NAA16: variants seen among roughly 807,000 people sequenced by gnomAD.
NAA16 encodes the protein N-alpha-acetyltransferase 16, NatA auxiliary subunit.
A neutral mutation model predicts 110.3 loss-of-function variants in NAA16; 97 were observed. That is an observed-to-expected ratio of 0.88 (90% CI 0.75 to 1.04). The LOEUF is 1.04. Among genes scored for constraint, NAA16 ranks in the 50% least tolerant of loss-of-function variants. NAA16 has a pLI of 0.00. For missense variants in NAA16, 1,017 were observed against 1,005.1 expected (o/e 1.01, Z -0.16); for synonymous variants, 372 against 330.6 (o/e 1.13, Z -1.36).
intron 17 of NAA16, 44 bp from the exon 18 acceptor site, chr13:41,373,593 G>A: frequency 6.6e-7 from 1 of 1,514,032 alleles, no homozygotes; most frequent in African/African-American, 1.4e-5. Flanking sequence ...TTTTTTCAAA[G>A]GACAGATCAA....
intron 5 of NAA16, among the ~76,000 whole-genome samples, chr13:41,324,047 GT>G (rs2042020003): frequency 6.6e-6 from 1 of 151,934 alleles, no homozygotes; most frequent in African/African-American, 2.4e-5. Flanking sequence ...TTTGCATTCT[GT>G]TTTCTAGAAA....
At chr13:41,368,139 T>TC (rs2043243586) in intron 14 of NAA16, among the ~76,000 whole-genome samples, 2 of 152,128 alleles carry the variant, frequency 1.3e-5, no homozygotes. Flanking sequence ...TTGAGCTCCT[T>TC]AGGAAAAAAT....
At position 41,325,737 on chromosome 13, in the gene NAA16, A is replaced by G. The variant is rs1011733075; in HGVS notation, c.577A>G (p.Ile193Val). 7 of 1,599,034 alleles carry G rather than the reference A, an allele frequency of 4.4e-6. No homozygotes were observed. Among genetic ancestry groups the G allele is most frequent in the South Asian group, 2.2e-5 (2 of 89,428 alleles). Residue 193 changes from isoleucine (I) to valine (V), a missense_variant, in exon 6 of 20, where the codon ATA becomes GTA. Ile to Val is a conservative substitution (Grantham distance 29, BLOSUM62 3). Transcript: ENST00000379406. ...AATAGATTATGAATATAGTGAATTG[A>G]TATTATACCAGAATCAAGTGATGAG... is the stretch of plus-strand genomic sequence containing the variant. Reference protein sequence around the residue: ...NKIDYEYSELILYQNQVMREA... With the variant: ...NKIDYEYSELVLYQNQVMREA...
chr13:41,362,514 AAAACAT>A, intron 13 of NAA16: 1 of 372,174 alleles, frequency 2.7e-6, no homozygotes. Context: ...TTTCCCCTTT[AAAACAT>A]CAGGATCTGG....
chr13:41,339,478 T>C (rs2042475528), intron 9 of NAA16, among the ~76,000 whole-genome samples: 1 of 152,146 alleles, frequency 6.6e-6, no homozygotes, highest in Non-Finnish European at 1.5e-5. Context: ...TTAAATTTTT[T>C]TGGCAAACTA....
chr13:41,325,653 T>C lies in NAA16; in HGVS notation c.538-45T>C, dbSNP rs1309276041. The C allele has an allele frequency of 2.9e-6, 4 of 1,376,890 alleles. No individual in the cohort carries two copies. In the African/African-American group the frequency reaches 5.9e-5, roughly 20 times the overall value. 85.3% of individuals were successfully genotyped at this position (1,376,890 alleles called of 1,614,324 possible). On this transcript the variant is annotated intron_variant, in intron 5 of 19. Transcript: ENST00000379406. ...AGTTTAATTAAAGGTCTGTAACTGC[T>C]TTATATAATTATACAAATAAAGTAA...
intron 15 of NAA16, among the ~76,000 whole-genome samples, chr13:41,371,241 AT>A (rs1255696994): frequency 6.6e-6 from 1 of 152,202 alleles, no homozygotes; most frequent in African/African-American, 2.4e-5. Context: ...ACAGATGGAC[AT>A]TAGACATTCT....
intron 15 of NAA16, among the ~76,000 whole-genome samples, chr13:41,371,709 G>C (rs2043322136): frequency 6.6e-6 from 1 of 152,144 alleles, no homozygotes; most frequent in African/African-American, 2.4e-5. Flanking sequence ...TCAACAGTAG[G>C]CTATTAGTAG....
intron 9 of NAA16, among the ~76,000 whole-genome samples, chr13:41,343,001 CAG>C (rs67755952): frequency 0.13 from 19,851 of 152,040 alleles, 1,463 homozygotes; most frequent in East Asian, 0.23. Context: ...ATTTGGAAAA[CAG>C]AGGAAAGATC....
At chr13:41,311,813 C>T (rs1356068922) in intron 1 of NAA16, among the ~76,000 whole-genome samples, 6 of 152,226 alleles carry the variant, frequency 3.9e-5, no homozygotes, top group African/African-American at 9.6e-5. Flanking sequence ...GCTCGCCTCA[C>T]CCCCGCCGCG....
At position 41,316,947 on chromosome 13, in the gene NAA16, G is replaced by A. The variant is rs765680202; in HGVS notation, c.139+17G>A. The A allele has an allele frequency of 2.0e-5, 31 of 1,553,168 alleles. No individual in the cohort carries two copies. The South Asian group carries it at 3.3e-4, about 17-fold the overall frequency. On this transcript the variant is annotated intron_variant, in intron 2 of 19. Coordinates refer to ENST00000379406, the MANE Select transcript of NAA16 (RefSeq NM_024561.5). Reference sequence around the variant, plus strand: ...AACATGGAGGTATTGTCTCATGTGAGAGATTGCTTTAGGGAAATCAAATTC... The same window carrying A: ...AACATGGAGGTATTGTCTCATGTGAAAGATTGCTTTAGGGAAATCAAATTC...
chr13:41,316,593 C>T (rs974788268), intron 1 of NAA16, among the ~76,000 whole-genome samples: 8 of 152,156 alleles, frequency 5.3e-5, no homozygotes, highest in Non-Finnish European at 1.2e-4. Context: ...GCGTGAGCCA[C>T]CTTGCTGAGC....
chr13:41,355,166 T>A lies in NAA16; in HGVS notation c.1037T>A (p.Val346Asp). 1 of 1,587,182 alleles carries A rather than the reference T, an allele frequency of 6.3e-7. No individual in the cohort carries two copies. Among genetic ancestry groups the A allele is most frequent in the Non-Finnish European group, 8.6e-7 (1 of 1,166,464 alleles). Residue 346 changes from valine to aspartate, a missense_variant, in exon 10 of 20, where the codon GTT (valine) becomes GAT (aspartate). Val to Asp is a radical substitution (Grantham distance 152). Transcript: ENST00000379406. Reference protein sequence around the residue: ...TEKVSIIQELVTNYEASLKTC... With the variant: ...TEKVSIIQELDTNYEASLKTC... ...CAGGTTTCTATAATCCAGGAACTTG[T>A]TACTAATTATGAAGCCTCTCTTAAA...
rs779936814 is a variant in NAA16, at chr13:41,328,826, A to G, written c.794A>G (p.Glu265Gly). 2 of 1,601,538 alleles carry G rather than the reference A, an allele frequency of 1.2e-6. No individual in the cohort carries two copies. The highest frequency in any genetic ancestry group is 8.5e-7 in the Non-Finnish European group (1 of 1,169,974). ...AENWCYYEGL[E>G]KALQISTLEE... ...AATTGGTGTTATTATGAAGGCTTGG[A>G]AAAAGCTCTACAAATTAGTATGTAA... Residue 265 changes from glutamate to glycine, a missense_variant, in exon 7 of 20, where the codon GAA becomes GGA. Coordinates refer to ENST00000379406, the MANE Select transcript of NAA16 (RefSeq NM_024561.5).
At chr13:41,326,266 G>A (rs1044677485) in intron 6 of NAA16, among the ~76,000 whole-genome samples, 1 of 152,100 alleles carries the variant, frequency 6.6e-6, no homozygotes, top group African/African-American at 2.4e-5. Flanking sequence ...TTCATTATGG[G>A]CTAATTATGA....
At chr13:41,362,626 T>C (rs1052723718) in intron 13 of NAA16, 10 of 1,051,760 alleles carry the variant, frequency 9.5e-6, no homozygotes, top group Non-Finnish European at 1.3e-5. Context: ...GCAGGCTTAT[T>C]TTATTGCTTG....
chr13:41,311,409 C>A lies in NAA16; in HGVS notation c.-120C>A. 1.1e-6 allele frequency: 1 copy of A among 945,742 alleles called. No individual in the cohort carries two copies. The highest frequency in any genetic ancestry group is 1.6e-6 in the Non-Finnish European group (1 of 618,392). 58.6% of individuals were successfully genotyped at this position (945,742 alleles called of 1,614,324 possible). On this transcript the variant is annotated 5_prime_UTR_variant, in exon 1 of 20. Coordinates refer to ENST00000379406, the MANE Select transcript of NAA16 (RefSeq NM_024561.5). The stretch of plus-strand genomic sequence containing the variant: ...CCAATTGCAACTGTAGACCAATGAA[C>A]TAATCCATCGCCCGCAGCCCGACTC...
chr13:41,359,419 A>G (rs568896196), intron 12 of NAA16, among the ~76,000 whole-genome samples: 1 of 152,206 alleles, frequency 6.6e-6, no homozygotes, highest in African/African-American at 2.4e-5. Flanking sequence ...CTACACATCC[A>G]TCCCTTTTCC....
At chr13:41,354,334 C>T (rs1339142778) in intron 9 of NAA16, among the ~76,000 whole-genome samples, 2 of 152,042 alleles carry the variant, frequency 1.3e-5, no homozygotes, top group Non-Finnish European at 2.9e-5. Context: ...TAAATTATAC[C>T]TTCTTATATT....
Sources: allele counts gnomAD v4.1 joint callset (sites outside exome capture counted in the v4.1 genomes callset), GRCh38; gene constraint gnomAD v4.1.1; transcripts MANE v1.5; gene names NCBI Gene and HGNC (gene_info 2026-07-23, HGNC 2026-07-21).